Variants in ATXN10 observed in about 807,000 individuals in gnomAD.
ATXN10 encodes ataxin 10.
ATXN10 carries 28 observed loss-of-function variants against 52.9 expected under a neutral mutation model. That is an observed-to-expected ratio of 0.53 (90% CI 0.39 to 0.73). The LOEUF (loss-of-function observed/expected upper bound fraction) is 0.73, where lower values mean the gene tolerates loss of function less well. ATXN10 is among the 30% of genes least tolerant of loss of function. The probability of loss-of-function intolerance (pLI) is 0.00; values close to 1 mark genes in which losing one functional copy is unlikely to be tolerated. For missense variants in ATXN10, 565 were observed against 577.0 expected (o/e 0.98, Z 0.21); for synonymous variants, 226 against 221.5 (o/e 1.02, Z -0.18).
At position 45,820,729 on chromosome 22, in the gene ATXN10, T is replaced by C. The variant is rs1260053128; in HGVS notation, c.1237+13707T>C. Reference sequence around the variant, plus strand: ...TGTTGGACCCCGTGGCCGCAGGCATTGCCAGGGTGGTTTGCTTACCCCGGC... The same window carrying C: ...TGTTGGACCCCGTGGCCGCAGGCATCGCCAGGGTGGTTTGCTTACCCCGGC... On this transcript the variant is annotated intron_variant, in intron 10 of 11. Transcript: ENST00000252934. The surrounding 1 kb of genome is among the most constrained non-coding windows in gnomAD (Gnocchi z 4.9). Among the ~76,000 whole-genome samples, 1 of 152,228 alleles carries C rather than the reference T, an allele frequency of 6.6e-6. No individual in the cohort carries two copies. Among genetic ancestry groups the C allele is most frequent in the African/African-American group, 2.4e-5 (1 of 41,462 alleles).
In ATXN10 at chr22:45,795,812, A is replaced by G. The variant is rs759720827; in HGVS notation, c.1174-11147A>G. Among the ~76,000 whole-genome samples, 4 of 152,192 alleles carry G rather than the reference A, an allele frequency of 2.6e-5. No individual in the cohort carries two copies. Among genetic ancestry groups the G allele is most frequent in the Non-Finnish European group, 5.9e-5 (4 of 68,028 alleles). ...CTAATCAACACTCTTATAATTTCCT[A>G]TGCCTGTCTTGTCTTTAATATCTTA... On this transcript the variant is annotated intron_variant, in intron 9 of 11. Coordinates refer to ENST00000252934, the MANE Select transcript of ATXN10 (RefSeq NM_013236.4). This position sits in a 1 kb window ranked among gnomAD's most constrained non-coding sequence, Gnocchi z 4.6.
chr22:45,744,129 C>T lies in ATXN10; in HGVS notation c.1173+3591C>T, dbSNP rs1056025976. On this transcript the variant is annotated intron_variant, in intron 9 of 11. Coordinates refer to ENST00000252934, the MANE Select transcript of ATXN10 (RefSeq NM_013236.4). This position sits in a 1 kb window ranked among gnomAD's most constrained non-coding sequence, Gnocchi z 4.9. Reference sequence around the variant, plus strand: ...GTTTGCTGGCTTGGGGATCCTTTGACGGGTAATTCAGGCAAGGTATTAATA... The same window carrying T: ...GTTTGCTGGCTTGGGGATCCTTTGATGGGTAATTCAGGCAAGGTATTAATA... Among the ~76,000 whole-genome samples the T allele has an allele frequency of 2.1e-4, 32 of 152,130 alleles. No individual in the cohort carries two copies. The highest frequency in any genetic ancestry group is 3.1e-4 in the Non-Finnish European group (21 of 68,020).
chr22:45,802,197 G>A (rs769336799), intron 9 of ATXN10, among the ~76,000 whole-genome samples: 37 of 152,178 alleles, frequency 2.4e-4, no homozygotes, highest in Non-Finnish European at 4.7e-4. Flanking sequence ...TTGTCTCCTG[G>A]AGATGCACTA....
At chr22:45,793,854 G>A in intron 9 of ATXN10, 1 of 1,284,846 alleles carries the variant, frequency 7.8e-7, no homozygotes, top group Non-Finnish European at 9.9e-7. Flanking sequence ...GTGAGCTGGT[G>A]GTGGTAAACA....
Position 45,718,396 on chromosome 22 carries a change from T to G in ATXN10, c.648-17T>G. 1 of 1,601,614 alleles carries G rather than the reference T, an allele frequency of 6.2e-7. No homozygotes were observed. Among genetic ancestry groups the G allele is most frequent in the South Asian group, 1.1e-5 (1 of 90,820 alleles). ...TATGTTTCAAGTAACCAAACTTTCC[T>G]CCTCTTTTTTCCCTAGGTTCTTGAT... On this transcript the variant is annotated splice_polypyrimidine_tract_variant and intron_variant, in intron 5 of 11. Transcript: ENST00000252934. The surrounding 1 kb of genome is among the most constrained non-coding windows in gnomAD (Gnocchi z 4.4).
Position 45,729,476 on chromosome 22 carries a change from C to T in ATXN10, c.780C>T (p.Leu260=). 1 of 1,614,168 alleles carries T rather than the reference C, an allele frequency of 6.2e-7. No individual in the cohort carries two copies. Among genetic ancestry groups the T allele is most frequent in the Non-Finnish European group, 8.5e-7 (1 of 1,180,022 alleles). Residue 260 remains leucine (L), a synonymous_variant, in exon 7 of 12, where the codon CTC becomes CTT. Transcript: ENST00000252934. ...MIAKITSDEP[L]TKDDIPVFLR... The stretch of plus-strand genomic sequence containing the variant: ...CCAAGATAACGAGTGATGAGCCACT[C>T]ACCAAGGATGACATCCCTGTGTTTT...
chr22:45,783,897 C>G lies in ATXN10; in HGVS notation c.1174-23062C>G, dbSNP rs1232273711. On this transcript the variant is annotated intron_variant, in intron 9 of 11. Transcript: ENST00000252934. This position sits in a 1 kb window ranked among gnomAD's most constrained non-coding sequence, Gnocchi z 5.0. Reference sequence around the variant, plus strand: ...ACCGAGGAAATGGTCAGACTTCTTTCCTGTAGGTCAAGGCTGGTGAGAGTT... The same window carrying G: ...ACCGAGGAAATGGTCAGACTTCTTTGCTGTAGGTCAAGGCTGGTGAGAGTT... Among the ~76,000 whole-genome samples, 1 of 152,156 alleles carries G rather than the reference C, an allele frequency of 6.6e-6. No homozygotes were observed. The highest frequency in any genetic ancestry group is 6.5e-5 in the Admixed American group (1 of 15,276).
In ATXN10 at chr22:45,842,665, C is replaced by T. The variant is rs1359761213; in HGVS notation, c.1238-326C>T. Among the ~76,000 whole-genome samples the T allele has an allele frequency of 6.6e-6, 1 of 152,034 alleles. No individual in the cohort carries two copies. Among genetic ancestry groups the T allele is most frequent in the Non-Finnish European group, 1.5e-5 (1 of 67,982 alleles). ...ACACACGTTTGCCTGTGTGTGTGTT[C>T]TTGGGTTCATAAACTTCAGTTTGAG... On this transcript the variant is annotated intron_variant, in intron 10 of 11. Coordinates refer to ENST00000252934, the MANE Select transcript of ATXN10 (RefSeq NM_013236.4). The surrounding 1 kb of genome is among the most constrained non-coding windows in gnomAD (Gnocchi z 4.8).
intron 9 of ATXN10, among the ~76,000 whole-genome samples, chr22:45,798,175 C>A (rs1056189366): frequency 6.6e-6 from 1 of 152,178 alleles, no homozygotes; most frequent in Non-Finnish European, 1.5e-5. Context: ...TTTTATGAAG[C>A]CACCATTACT....
At chr22:45,716,965 C>G (rs1451459419) in intron 5 of ATXN10, among the ~76,000 whole-genome samples, 1 of 152,148 alleles carries the variant, frequency 6.6e-6, no homozygotes, top group East Asian at 1.9e-4. Flanking sequence ...ACTCTGAAGA[C>G]CCACGCTTTT....
At chr22:45,685,957 C>G in intron 1 of ATXN10, among the ~76,000 whole-genome samples, 1 of 152,204 alleles carries the variant, frequency 6.6e-6, no homozygotes, top group Admixed American at 6.5e-5. Context: ...AGCTTATCCA[C>G]TGTATCATTT....
At position 45,757,422 on chromosome 22, in the gene ATXN10, C is replaced by T. The variant is rs570589854; in HGVS notation, c.1173+16884C>T. 8.5e-5 allele frequency among the ~76,000 whole-genome samples: 13 copies of T among 152,210 alleles called. No homozygotes were observed. Among genetic ancestry groups the T allele is most frequent in the Non-Finnish European group, 1.5e-4 (10 of 68,002 alleles). ...CAGGGACAGAAAATGCCTGAGGCTC[C>T]GAGGTGGGAGCCCAGGCTGGGATTC... is the stretch of plus-strand genomic sequence containing the variant. On this transcript the variant is annotated intron_variant, in intron 9 of 11. Coordinates refer to ENST00000252934, the MANE Select transcript of ATXN10 (RefSeq NM_013236.4). This position sits in a 1 kb window ranked among gnomAD's most constrained non-coding sequence, Gnocchi z 4.6.
intron 7 of ATXN10, chr22:45,738,512 A>G (rs1925385737): frequency 2.7e-5 from 14 of 520,322 alleles, no homozygotes; most frequent in Middle Eastern, 5.1e-4. Context: ...ATAATCTTGC[A>G]TTCTTGATGG....
At chr22:45,803,879 G>C (rs1928012427) in intron 9 of ATXN10, among the ~76,000 whole-genome samples, 1 of 151,984 alleles carries the variant, frequency 6.6e-6, no homozygotes, top group Non-Finnish European at 1.5e-5. Context: ...AACTCTCTCT[G>C]TGCTTCTCAA....
intron 9 of ATXN10, among the ~76,000 whole-genome samples, chr22:45,771,442 A>G (rs1267664952): frequency 8.5e-5 from 10 of 118,184 alleles, no homozygotes; most frequent in African/African-American, 2.4e-4. Flanking sequence ...CTTGAGATGG[A>G]GTCTTGCTCT....
chr22:45,840,972 T>C lies in ATXN10; in HGVS notation c.1238-2019T>C, dbSNP rs73889637. ...TACAAAAGGTGAGAAAATGAGTTTGTGTATCGACAGTGACATCCTGGGTGT... is the reference window on the plus strand; with the variant it reads ...TACAAAAGGTGAGAAAATGAGTTTGCGTATCGACAGTGACATCCTGGGTGT... On this transcript the variant is annotated intron_variant, in intron 10 of 11. Coordinates refer to ENST00000252934, the MANE Select transcript of ATXN10 (RefSeq NM_013236.4). The surrounding 1 kb of genome is among the most constrained non-coding windows in gnomAD (Gnocchi z 5.8). Among the ~76,000 whole-genome samples, 1,944 of 152,294 alleles carry C rather than the reference T, an allele frequency of 0.013. 47 individuals are homozygous for C. The highest frequency in any genetic ancestry group is 0.045 in the African/African-American group (1,864 of 41,552).
intron 10 of ATXN10, among the ~76,000 whole-genome samples, chr22:45,821,613 C>T (rs1928653028): frequency 6.6e-6 from 1 of 152,104 alleles, no homozygotes; most frequent in Non-Finnish European, 1.5e-5. Flanking sequence ...CTCTCTCATC[C>T]ATCTTAGTAC....
chr22:45,834,071 T>C (rs136027), intron 10 of ATXN10, among the ~76,000 whole-genome samples: 116,537 of 152,140 alleles, frequency 0.77, 45,258 homozygotes, highest in African/African-American at 0.89. Context: ...TGGCACATCC[T>C]GTGTCCTGGA....
chr22:45,748,508 C>A (rs541739381), intron 9 of ATXN10, among the ~76,000 whole-genome samples: 1 of 152,054 alleles, frequency 6.6e-6, no homozygotes, highest in Non-Finnish European at 1.5e-5. Context: ...TGTTTTCTGA[C>A]TTGAATTTCT....
Sources: gnomAD v4.1 joint callset for allele counts (sites outside exome capture counted in the v4.1 genomes callset) on GRCh38, gnomAD v4.1.1 for gene constraint, Gnocchi (gnomAD v3.1) non-coding constraint, MANE v1.5 for transcripts, NCBI Gene and HGNC (gene_info 2026-07-23, HGNC 2026-07-21) for gene names.